GDI2: variants seen among roughly 807,000 people sequenced by gnomAD.
The protein encoded by GDI2 is GDP dissociation inhibitor 2.
GDI2 carries 22 observed loss-of-function variants against 54.2 expected under a neutral mutation model. That is an observed-to-expected ratio of 0.41 (90% CI 0.29 to 0.58). GDI2 has a LOEUF of 0.58. Ranked by LOEUF, GDI2 falls within the 20% of genes least tolerant of loss-of-function variation. The pLI, the probability that GDI2 is intolerant of heterozygous loss-of-function variation, is 0.35. For missense variants in GDI2, 422 were observed against 546.0 expected, an observed-to-expected ratio of 0.77 and a Z score of 2.26; for synonymous variants, 177 against 182.1, an observed-to-expected ratio of 0.97 and a Z score of 0.23.
At chr10:5,800,858 A>G (rs1234683091) in intron 1 of GDI2, among the ~76,000 whole-genome samples, 153 bp from the exon 2 acceptor site, 1 of 152,214 alleles carries the variant, frequency 6.6e-6, no homozygotes, top group Non-Finnish European at 1.5e-5. Context: ...TTAAGAAACC[A>G]GGGGTCCAGG....
At chr10:5,775,226 T>C (rs1165082950) in intron 6 of GDI2, among the ~76,000 whole-genome samples, 4 of 151,940 alleles carry the variant, frequency 2.6e-5, no homozygotes, top group South Asian at 2.1e-4. Context: ...AGGTCGAGGC[T>C]GCAGTAAGTC....
chr10:5,794,191 ATAT>A (rs1564396000), intron 4 of GDI2, among the ~76,000 whole-genome samples: 474 of 31,842 alleles, frequency 0.015, 4 homozygotes, highest in Non-Finnish European at 0.019. Context: ...AAAAAAAAAT[ATAT>A]ATATATATAT....
At chr10:5,798,209 T>C (rs924796290) in intron 2 of GDI2, among the ~76,000 whole-genome samples, 1 of 152,200 alleles carries the variant, frequency 6.6e-6, no homozygotes, top group Non-Finnish European at 1.5e-5. Context: ...TCAAAAAGCT[T>C]ATAAAGTTAG....
chr10:5,780,221 CAAACAAA>C (rs1840723311), intron 6 of GDI2, among the ~76,000 whole-genome samples: 3 of 61,104 alleles, frequency 4.9e-5, no homozygotes, highest in Admixed American at 1.8e-4. Context: ...AAAAAAAAAA[CAAACAAA>C]CAAACAAACA....
chr10:5,783,653 C>T (rs1255118788), intron 6 of GDI2, among the ~76,000 whole-genome samples: 1 of 152,162 alleles, frequency 6.6e-6, no homozygotes, highest in African/African-American at 2.4e-5. Flanking sequence ...TTGGTAGTGG[C>T]AAATTCTCTC....
Position 5,794,187 on chromosome 10 carries a change from AAATATATATATATATATATATATATATAT to A in GDI2, c.388+669_388+697del, listed in dbSNP as rs1374153331. The stretch of plus-strand genomic sequence containing the variant: ...GTCTTTAAAAGAAAAAAAAAAAAAA[AAATATATATATATATATATATATATATAT>A]ATATATATATATATATAAAACTCAC... On this transcript the variant is annotated intron_variant, in intron 4 of 10. Coordinates refer to ENST00000380191, the MANE Select transcript of GDI2 (RefSeq NM_001494.4). 6.5e-4 allele frequency among the ~76,000 whole-genome samples: 26 copies of A among 40,270 alleles called. 2 individuals are homozygous for A. The highest frequency in any genetic ancestry group is 5.7e-3 in the East Asian group (4 of 706). The allele number at this position is 40,270 out of a possible 152,430, so 26.4% of individuals were successfully genotyped here.
intron 1 of GDI2, among the ~76,000 whole-genome samples, chr10:5,801,744 C>A (rs1841273748): frequency 6.6e-6 from 1 of 152,092 alleles, no homozygotes; most frequent in South Asian, 2.1e-4. Context: ...GGCATGGTGG[C>A]TCACACCTGC....
intron 1 of GDI2, among the ~76,000 whole-genome samples, chr10:5,810,636 G>A (rs1267491297): frequency 6.6e-6 from 1 of 152,208 alleles, no homozygotes; most frequent in Non-Finnish European, 1.5e-5. Context: ...TCTTCACTAT[G>A]TGAAAACTTG....
chr10:5,769,763 T>C (rs1437303630), intron 7 of GDI2, among the ~76,000 whole-genome samples: 1 of 152,224 alleles, frequency 6.6e-6, no homozygotes, highest in Non-Finnish European at 1.5e-5. Context: ...AAACTGGAAC[T>C]TCTTGTCCAC....
At position 5,766,199 on chromosome 10, in the gene GDI2, C is replaced by A; in HGVS notation, c.1191+42G>T. On this transcript the variant is annotated intron_variant, in intron 10 of 10. Transcript: ENST00000380191. The surrounding 1 kb of genome is among the most constrained non-coding windows in gnomAD (Gnocchi z 5.8). ...ACTTAAGACCATGGAGGGATGTCTTCCAGTGAAACCTGCCCATATCCTTTC... is the reference window on the plus strand; with the variant it reads ...ACTTAAGACCATGGAGGGATGTCTTACAGTGAAACCTGCCCATATCCTTTC... 2 of 1,610,546 alleles carry A rather than the reference C, an allele frequency of 1.2e-6. 1 individual carries two copies.
intron 4 of GDI2, among the ~76,000 whole-genome samples, chr10:5,790,931 T>C (rs1335694955): frequency 6.6e-6 from 1 of 151,868 alleles, no homozygotes; most frequent in Non-Finnish European, 1.5e-5. Context: ...TGAGGAGAGA[T>C]GACTGCTTGA....
rs556758706 is a variant in GDI2 at position 5,786,334 on chromosome 10, C to T, written c.389-284G>A. Among the ~76,000 whole-genome samples, 5 of 152,118 alleles carry T rather than the reference C, an allele frequency of 3.3e-5. No individual in the cohort carries two copies. In the South Asian group the frequency reaches 1.0e-3, roughly 32 times the overall value. ...TATAGGCAACCGCCATTACGCCCAG[C>T]TAATTTTTGTACTTTTGGTAGAAAC... On this transcript the variant is annotated intron_variant, in intron 4 of 10. Coordinates refer to ENST00000380191, the MANE Select transcript of GDI2 (RefSeq NM_001494.4).
At chr10:5,785,447 T>C (rs1268143591) in intron 5 of GDI2, among the ~76,000 whole-genome samples, 174 bp from the exon 6 acceptor site, 1 of 152,146 alleles carries the variant, frequency 6.6e-6, no homozygotes, top group African/African-American at 2.4e-5. Context: ...CAATCTCGGC[T>C]CCCCACAACT....
chr10:5,794,910 G>A lies in GDI2; in HGVS notation c.363C>T (p.Ser121=). ...YKGGKIYKVP[S]TEAEALASSL... Reference sequence around the variant, plus strand: ...TAGATGCCAGGGCTTCTGCTTCAGTGGAAGGAACCTTGTAGATTTTTCCAC... The same window carrying A: ...TAGATGCCAGGGCTTCTGCTTCAGTAGAAGGAACCTTGTAGATTTTTCCAC... The change falls in exon 4 of 11, where the codon TCC becomes TCT. Residue 121 remains serine, a synonymous_variant. Transcript: ENST00000380191. 6.2e-7 allele frequency: 1 copy of A among 1,606,064 alleles called. No homozygotes were observed. Among genetic ancestry groups the A allele is most frequent in the African/African-American group, 1.3e-5 (1 of 74,798 alleles).
Position 5,776,859 on chromosome 10 carries a change from T to C in GDI2, c.720-2918A>G. On this transcript the variant is annotated intron_variant, in intron 6 of 10. Coordinates refer to ENST00000380191, the MANE Select transcript of GDI2 (RefSeq NM_001494.4). The surrounding 1 kb of genome is among the most constrained non-coding windows in gnomAD (Gnocchi z 5.3). ...ATATTCTGAAAGGATTTATGAATAA[T>C]TAAAATGGAAGGCCAGAGAAGAGGG... 8.3e-7 allele frequency: 1 copy of C among 1,211,376 alleles called. No individual in the cohort carries two copies. The highest frequency in any genetic ancestry group is 1.2e-6 in the Non-Finnish European group (1 of 861,494). The allele number at this position is 1,211,376 out of a possible 1,614,324, so 75.0% of individuals were successfully genotyped here.
At chr10:5,777,231 G>C (rs1428705438) in intron 6 of GDI2, among the ~76,000 whole-genome samples, 1 of 152,198 alleles carries the variant, frequency 6.6e-6, no homozygotes, top group African/African-American at 2.4e-5. Context: ...CCAGCACTTT[G>C]AAAGGCCGAG....
chr10:5,811,540 T>C (rs112070948), intron 1 of GDI2, among the ~76,000 whole-genome samples: 13 of 150,878 alleles, frequency 8.6e-5, no homozygotes, highest in African/African-American at 1.7e-4. Context: ...GCAACAACCA[T>C]AGAAAAACGG....
At chr10:5,811,898 A>G (rs946440963) in intron 1 of GDI2, 17 of 1,144,244 alleles carry the variant, frequency 1.5e-5, no homozygotes, top group Non-Finnish European at 1.9e-5. Flanking sequence ...TAGCCAAATA[A>G]AAGTTCGAAG....
intron 6 of GDI2, among the ~76,000 whole-genome samples, chr10:5,784,876 T>C (rs563180147): frequency 2.6e-5 from 4 of 152,368 alleles, no homozygotes; most frequent in Non-Finnish European, 5.9e-5. Flanking sequence ...GTTGTATTTT[T>C]GTTAAGTGCG....
Sources: gnomAD v4.1 joint callset for allele counts (sites outside exome capture counted in the v4.1 genomes callset) on GRCh38, gnomAD v4.1.1 for gene constraint, Gnocchi (gnomAD v3.1) non-coding constraint, MANE v1.5 for transcripts, NCBI Gene and HGNC (gene_info 2026-07-23, HGNC 2026-07-21) for gene names.